The following KCNG4 variants were observed in gnomAD, a reference collection of about 807,000 sequenced individuals.
KCNG4 encodes potassium voltage-gated channel modifier subfamily G member 4.
In KCNG4, 30 loss-of-function variants were observed where a neutral mutation model predicts 28.2. The observed-to-expected ratio is 1.06, with a 90% confidence interval of 0.80 to 1.44. The LOEUF is 1.44. KCNG4 is among the 40% of genes most tolerant of loss of function. KCNG4 has a pLI of 0.00. For synonymous variants in KCNG4, 375 were observed against 315.5 expected, an observed-to-expected ratio of 1.19 and a Z score of -2.00; for missense variants, 879 against 712.3, an observed-to-expected ratio of 1.23 and a Z score of -2.66.
chr16:84,238,703 A>G (rs906731648), intron 1 of KCNG4, among the ~76,000 whole-genome samples: 5 of 152,162 alleles, frequency 3.3e-5, no homozygotes, highest in African/African-American at 1.2e-4. Context: ...CCCTGTATCT[A>G]CTAAAAATAC....
chr16:84,236,641 T>C, intron 2 of KCNG4, 89 bp downstream of exon 2: 1 of 1,305,912 alleles, frequency 7.7e-7, no homozygotes. Flanking sequence ...TATTTTAAGA[T>C]CTGAAGACAT....
chr16:84,238,754 G>C (rs1905036139), intron 1 of KCNG4, among the ~76,000 whole-genome samples: 1 of 152,198 alleles, frequency 6.6e-6, no homozygotes, highest in Non-Finnish European at 1.5e-5. Flanking sequence ...TGTAGTCCCA[G>C]CTACTCGGGA....
At chr16:84,233,166 C>A (rs904783181) in intron 2 of KCNG4, among the ~76,000 whole-genome samples, 20 of 152,168 alleles carry the variant, frequency 1.3e-4, no homozygotes, top group Non-Finnish European at 2.6e-4. Context: ...CACCACATGA[C>A]CCCTTGAGGG....
intron 2 of KCNG4, among the ~76,000 whole-genome samples, 165 bp from the exon 3 acceptor site, chr16:84,223,185 G>A (rs1032269144): frequency 3.3e-5 from 5 of 152,138 alleles, no homozygotes; most frequent in South Asian, 2.1e-4. Context: ...ACAGCAGATC[G>A]GCTAGGTCAG....
chr16:84,227,369 G>C (rs1597617400), intron 2 of KCNG4, among the ~76,000 whole-genome samples: 1 of 152,316 alleles, frequency 6.6e-6, no homozygotes, highest in Admixed American at 6.5e-5. Flanking sequence ...CTGGGGTCAG[G>C]AGTTTAAAAC....
At chr16:84,228,495 C>G (rs1000106886) in intron 2 of KCNG4, among the ~76,000 whole-genome samples, 2 of 152,164 alleles carry the variant, frequency 1.3e-5, no homozygotes, top group Non-Finnish European at 2.9e-5. Flanking sequence ...CCACTTTTCT[C>G]TCGGCCAGCC....
chr16:84,233,444 T>G (rs561102544), intron 2 of KCNG4, among the ~76,000 whole-genome samples: 17 of 152,308 alleles, frequency 1.1e-4, no homozygotes, highest in African/African-American at 3.8e-4. Flanking sequence ...GGTTCATGCT[T>G]GTAATCCTGG....
intron 2 of KCNG4, among the ~76,000 whole-genome samples, chr16:84,224,946 C>G (rs1418069922): frequency 6.6e-6 from 1 of 152,214 alleles, no homozygotes; most frequent in Non-Finnish European, 1.5e-5. Context: ...CAAATCCCAT[C>G]TCTTCCACTT....
chr16:84,222,626 A>G lies in KCNG4; in HGVS notation c.1151T>C (p.Leu384Pro). 1 of 1,613,322 alleles carries G rather than the reference A, an allele frequency of 6.2e-7. No homozygotes were observed. The highest frequency in any genetic ancestry group is 8.5e-7 in the Non-Finnish European group (1 of 1,179,966). ...GGCCACGTAGACCAAAGGGGAGAAG[A>G]GGGTGATGGCCACGGCCAGGAAGAG... ...LLLFLAVAITLFSPLVYVAEK... is the reference protein window; with the variant it reads ...LLLFLAVAITPFSPLVYVAEK... The change falls in exon 3 of 3, where the codon CTC becomes CCC. Residue 384 changes from leucine to proline, a missense_variant. Leu to Pro is a moderately conservative substitution (Grantham distance 98). Coordinates refer to ENST00000308251, the MANE Select transcript of KCNG4 (RefSeq NM_172347.3).
chr16:84,232,657 T>C (rs1351041667), intron 2 of KCNG4, among the ~76,000 whole-genome samples: 1 of 152,118 alleles, frequency 6.6e-6, no homozygotes, highest in Non-Finnish European at 1.5e-5. Context: ...CCCAACGCTT[T>C]GGGAGGCCGA....
At position 84,237,232 on chromosome 16, in the gene KCNG4, A is replaced by C; in HGVS notation, c.254T>G (p.Leu85Arg). Residue 85 changes from leucine (L) to arginine (R), a missense_variant, in exon 2 of 3, where the codon CTG becomes CGG. Transcript: ENST00000308251. ...GCTCCGACAGAGCCTGAGTTTGCTC[A>C]GGCGGCTCAGCGGGAACCGGTCCAG... ...STLDRFPLSR[L>R]SKLRLCRSYE... The C allele has an allele frequency of 6.2e-7, 1 of 1,614,130 alleles. No homozygotes were observed. The highest frequency in any genetic ancestry group is 8.5e-7 in the Non-Finnish European group (1 of 1,180,030).
At chr16:84,235,021 C>G (rs935607768) in intron 2 of KCNG4, among the ~76,000 whole-genome samples, 3 of 152,134 alleles carry the variant, frequency 2.0e-5, no homozygotes, top group South Asian at 2.1e-4. Flanking sequence ...TGGCTGGGCC[C>G]GGGCATAAAT....
intron 1 of KCNG4, among the ~76,000 whole-genome samples, chr16:84,238,359 T>G (rs1905027021): frequency 6.6e-6 from 1 of 152,192 alleles, no homozygotes; most frequent in South Asian, 2.1e-4. Flanking sequence ...TTAGCGAGCA[T>G]CCAAGCATCT....
chr16:84,229,529 G>A (rs1398758930), intron 2 of KCNG4, among the ~76,000 whole-genome samples: 1 of 152,226 alleles, frequency 6.6e-6, no homozygotes. Context: ...TGTGGGGAAG[G>A]CGGGCCGCCA....
chr16:84,238,134 A>C (rs1211916785), intron 1 of KCNG4, among the ~76,000 whole-genome samples: 1 of 152,182 alleles, frequency 6.6e-6, no homozygotes. Flanking sequence ...AGTGTGTATT[A>C]ATAATACTTC....
intron 2 of KCNG4, among the ~76,000 whole-genome samples, chr16:84,228,521 C>A (rs118166240): frequency 0.065 from 9,837 of 152,218 alleles, 388 homozygotes; most frequent in Middle Eastern, 0.1. Context: ...CTCCGCTACC[C>A]TCCCCTCCTT....
At chr16:84,223,149 A>C in intron 2 of KCNG4, 129 bp from the exon 3 acceptor site, 1 of 736,904 alleles carries the variant, frequency 1.4e-6, no homozygotes, top group Non-Finnish European at 2.2e-6. Flanking sequence ...CTCCTTTTAC[A>C]CAGTTTTCCA....
chr16:84,229,125 C>A (rs1248504864), intron 2 of KCNG4, among the ~76,000 whole-genome samples: 1 of 152,058 alleles, frequency 6.6e-6, no homozygotes, highest in Non-Finnish European at 1.5e-5. Context: ...TGTGTGGAAA[C>A]CCTGTCTCTA....
At position 84,237,183 on chromosome 16, in the gene KCNG4, G is replaced by T. The variant is rs199773293; in HGVS notation, c.303C>A (p.Cys101Ter). 1 of 1,614,150 alleles carries T rather than the reference G, an allele frequency of 6.2e-7. No individual in the cohort carries two copies. Among genetic ancestry groups the T allele is most frequent in the Non-Finnish European group, 8.5e-7 (1 of 1,180,048 alleles). ...CCTGGCTGTCCTCGTCGTAATCATC[G>T]CAGAGCTGCACGATCTCCTCGTAGC... ...CRSYEEIVQL[C>*]DDYDEDSQEF... is the part of the protein sequence containing the mutation. Residue 101 changes from cysteine to a stop codon, truncating the protein, a stop_gained, in exon 2 of 3, where the codon TGC (cysteine) becomes TGA (stop). Transcript: ENST00000308251. LOFTEE classifies it high-confidence loss of function.
Sources: gnomAD v4.1 joint callset for allele counts (sites outside exome capture counted in the v4.1 genomes callset) on GRCh38, gnomAD v4.1.1 for gene constraint, MANE v1.5 for transcripts, NCBI Gene and HGNC (gene_info 2026-07-23, HGNC 2026-07-21) for gene names.